The following ROBO2 variants were observed in gnomAD, a reference collection of about 807,000 sequenced individuals.
The protein encoded by ROBO2 is roundabout homolog 2.
In ROBO2, 53 loss-of-function variants were observed where a neutral mutation model predicts 160.8. That is an observed-to-expected ratio of 0.33 (90% CI 0.26 to 0.41). The LOEUF (loss-of-function observed/expected upper bound fraction) is 0.41. Ranked by LOEUF, ROBO2 falls within the 10% of genes least tolerant of loss-of-function variation. ROBO2 has a pLI of 1.00. For synonymous variants in ROBO2, 664 were observed against 611.7 expected (o/e 1.09, Z -1.26); for missense variants, 1,577 against 1,722.4 (o/e 0.92, Z 1.49).
chr3:76,785,104 A>G (rs2062888021), intron 2 of ROBO2, among the ~76,000 whole-genome samples: 1 of 151,244 alleles, frequency 6.6e-6, no homozygotes, highest in African/African-American at 2.4e-5. Flanking sequence ...ATTCCCACAT[A>G]TCTTTTTTTC....
intron 2 of ROBO2, among the ~76,000 whole-genome samples, chr3:76,711,218 T>TA (rs1272198652): frequency 6.6e-6 from 1 of 152,108 alleles, no homozygotes; most frequent in Non-Finnish European, 1.5e-5. Flanking sequence ...TCAGGAAACT[T>TA]ATAACCATTG....
chr3:76,390,745 A>G (rs2077109457), intron 2 of ROBO2, among the ~76,000 whole-genome samples: 1 of 152,144 alleles, frequency 6.6e-6, no homozygotes, highest in Admixed American at 6.6e-5. Context: ...TGATTATCAT[A>G]TTCTTTTGAG....
chr3:76,787,328 CCACACACACACACACACA>C (rs60806662), intron 2 of ROBO2, among the ~76,000 whole-genome samples: 4 of 142,170 alleles, frequency 2.8e-5, no homozygotes. Flanking sequence ...TGTAAACACA[CCACACACACACACACACA>C]CACACACACA....
intron 2 of ROBO2, among the ~76,000 whole-genome samples, chr3:76,088,409 G>A (rs186943744): frequency 9.2e-5 from 14 of 151,928 alleles, no homozygotes; most frequent in East Asian, 5.8e-4. Context: ...TGACAATAGC[G>A]TATTACACAG....
intron 2 of ROBO2, among the ~76,000 whole-genome samples, chr3:76,530,819 TA>T (rs2082185244): frequency 1.3e-5 from 2 of 152,166 alleles, no homozygotes; most frequent in African/African-American, 4.8e-5. Flanking sequence ...GCTACATCAA[TA>T]AAGACCGTAA....
chr3:76,087,904 G>C (rs554017045), intron 2 of ROBO2, among the ~76,000 whole-genome samples: 1 of 151,972 alleles, frequency 6.6e-6, no homozygotes, highest in Non-Finnish European at 1.5e-5. Context: ...TAATATGGAT[G>C]ATATTAACAC....
At chr3:76,951,346 T>C (rs960676089) in intron 2 of ROBO2, among the ~76,000 whole-genome samples, 2 of 152,232 alleles carry the variant, frequency 1.3e-5, no homozygotes, top group Non-Finnish European at 2.9e-5. Context: ...CTAACGGATC[T>C]CTGTTTCTTT....
intron 2 of ROBO2, among the ~76,000 whole-genome samples, chr3:76,456,618 T>A (rs148642029): frequency 6.6e-6 from 1 of 152,314 alleles, no homozygotes; most frequent in East Asian, 1.9e-4. Flanking sequence ...TAAGTACACA[T>A]CAAGTAAAGT....
chr3:77,544,196 T>C (rs1459155232), intron 6 of ROBO2, among the ~76,000 whole-genome samples: 1 of 151,880 alleles, frequency 6.6e-6, no homozygotes, highest in Non-Finnish European at 1.5e-5. Flanking sequence ...GAGTTTTCTC[T>C]AAAATAATTT....
Position 77,166,775 on chromosome 3 carries a change from G to T in ROBO2, c.388+68435G>T, listed in dbSNP as rs545179256. ...TGGTGTTTCACCGGTTAGCCAGGAT[G>T]GTCTCGATCTCCTGACCTCGTGATC... is the stretch of plus-strand genomic sequence containing the variant. On this transcript the variant is annotated intron_variant, in intron 2 of 25. Transcript: ENST00000461745. 8.2e-3 allele frequency among the ~76,000 whole-genome samples: 1,247 copies of T among 152,156 alleles called. 16 individuals carry two copies. Among genetic ancestry groups the T allele is most frequent in the African/African-American group, 0.029 (1,203 of 41,500 alleles).
At chr3:76,666,339 C>A (rs1297857802) in intron 2 of ROBO2, among the ~76,000 whole-genome samples, 6 of 151,952 alleles carry the variant, frequency 3.9e-5, no homozygotes, top group Non-Finnish European at 8.8e-5. Flanking sequence ...TTTAAGCAGG[C>A]AATTTAACCA....
At chr3:76,075,265 G>A (rs1458286919) in intron 2 of ROBO2, among the ~76,000 whole-genome samples, 1 of 151,758 alleles carries the variant, frequency 6.6e-6, no homozygotes, top group Non-Finnish European at 1.5e-5. Flanking sequence ...AGAGTGGCCA[G>A]GGGAGGATGA....
intron 2 of ROBO2, among the ~76,000 whole-genome samples, chr3:76,472,894 A>G: frequency 6.6e-6 from 1 of 152,232 alleles, no homozygotes; most frequent in East Asian, 1.9e-4. Flanking sequence ...TCATGAAAAA[A>G]GTGCTGAACA....
chr3:77,582,073 A>G (rs1427718279), intron 16 of ROBO2, among the ~76,000 whole-genome samples: 1 of 152,168 alleles, frequency 6.6e-6, no homozygotes, highest in South Asian at 2.1e-4. Flanking sequence ...TTTGTAAGTA[A>G]CTGCATGGAT....
At chr3:77,402,375 T>C (rs956410964) in intron 2 of ROBO2, among the ~76,000 whole-genome samples, 1 of 152,074 alleles carries the variant, frequency 6.6e-6, no homozygotes, top group African/African-American at 2.4e-5. Flanking sequence ...ATGGCACGTG[T>C]ATACCTATGT....
intron 2 of ROBO2, among the ~76,000 whole-genome samples, chr3:77,237,736 G>A (rs913932287): frequency 4.6e-5 from 7 of 152,088 alleles, no homozygotes; most frequent in African/African-American, 1.7e-4. Flanking sequence ...TTGCTTTTCA[G>A]CTCCTTTAGG....
At chr3:77,154,729 C>A in intron 2 of ROBO2, among the ~76,000 whole-genome samples, 1 of 151,994 alleles carries the variant, frequency 6.6e-6, no homozygotes, top group East Asian at 1.9e-4. Flanking sequence ...AACATGGATG[C>A]AGCTAGAGGC....
At chr3:77,252,054 T>G (rs114473533) in intron 2 of ROBO2, among the ~76,000 whole-genome samples, 2,806 of 152,334 alleles carry the variant, frequency 0.018, 51 homozygotes, top group South Asian at 0.067. Context: ...AATTTTATTG[T>G]AAGCAGTCAA....
intron 1 of ROBO2, among the ~76,000 whole-genome samples, chr3:77,091,459 ATTGT>A (rs1207854376): frequency 2.0e-5 from 3 of 152,170 alleles, no homozygotes; most frequent in African/African-American, 7.2e-5. Context: ...TTACAAAATC[ATTGT>A]TTGAGAGTCT....
Sources: gnomAD v4.1 joint callset for allele counts (sites outside exome capture counted in the v4.1 genomes callset) on GRCh38, gnomAD v4.1.1 for gene constraint, MANE v1.5 for transcripts, NCBI Gene and HGNC (gene_info 2026-07-23, HGNC 2026-07-21) for gene names.